The following NDUFA12 variants were observed in gnomAD, a reference collection of about 807,000 sequenced individuals.
NDUFA12 encodes the protein NADH dehydrogenase [ubiquinone] 1 alpha subcomplex subunit 12.
Under a neutral mutation model 20.3 loss-of-function variants are expected in NDUFA12, and 17 were observed. The observed-to-expected ratio is 0.84, with a 90% confidence interval of 0.57 to 1.26. The LOEUF is 1.26. NDUFA12 is among the 50% of genes most tolerant of loss of function. NDUFA12 has a pLI of 0.00. For synonymous variants in NDUFA12, 72 were observed against 63.6 expected (o/e 1.13, Z -0.63); for missense variants, 191 against 183.7 (o/e 1.04, Z -0.23).
intron 2 of NDUFA12, among the ~76,000 whole-genome samples, chr12:94,998,902 T>A (rs978257367): frequency 6.6e-6 from 1 of 152,160 alleles, no homozygotes; most frequent in Non-Finnish European, 1.5e-5. Flanking sequence ...AAAACGACTA[T>A]ATGGCCCAAA....
chr12:94,996,367 G>A (rs1448362681), intron 2 of NDUFA12, among the ~76,000 whole-genome samples: 1 of 129,962 alleles, frequency 7.7e-6, no homozygotes, highest in Non-Finnish European at 1.7e-5. Flanking sequence ...ACGAGATGGG[G>A]GTCTCTATGT....
intron 3 of NDUFA12, 32 bp from the exon 4 acceptor site, chr12:94,971,652 G>C (rs778242263): frequency 6.2e-7 from 1 of 1,612,430 alleles, no homozygotes; most frequent in African/African-American, 1.3e-5. Context: ...AAACAGTTAT[G>C]AAGAGGCAGT....
At chr12:94,988,305 G>T (rs529112249) in intron 3 of NDUFA12, among the ~76,000 whole-genome samples, 1 of 152,102 alleles carries the variant, frequency 6.6e-6, no homozygotes, top group South Asian at 2.1e-4. Flanking sequence ...TGGTCATATT[G>T]TGGTTATGTA....
intron 2 of NDUFA12, among the ~76,000 whole-genome samples, chr12:94,995,331 C>A (rs937233125): frequency 1.8e-4 from 27 of 152,166 alleles, no homozygotes; most frequent in African/African-American, 6.5e-4. Context: ...AAACTATAAT[C>A]CAGTGAGGCA....
intron 3 of NDUFA12, among the ~76,000 whole-genome samples, chr12:94,978,874 C>T (rs556701250): frequency 6.6e-6 from 1 of 151,872 alleles, no homozygotes; most frequent in South Asian, 2.1e-4. Context: ...ATACAAAAGC[C>T]CCACAGAAAC....
chr12:94,979,432 A>G (rs990440124), intron 3 of NDUFA12, among the ~76,000 whole-genome samples: 19 of 152,200 alleles, frequency 1.2e-4, no homozygotes, highest in Non-Finnish European at 2.8e-4. Flanking sequence ...AAATCTTTTA[A>G]TGGTGATTAT....
intron 3 of NDUFA12, among the ~76,000 whole-genome samples, chr12:94,985,024 T>TAAAAC (rs1874377125): frequency 6.6e-6 from 1 of 151,700 alleles, no homozygotes; most frequent in South Asian, 2.1e-4. Context: ...TAAAATAAAA[T>TAAAAC]AAAATAAAAG....
At position 94,977,883 on chromosome 12, in the gene NDUFA12, T is replaced by C. The variant is rs74758589; in HGVS notation, c.258-6263A>G. Among the ~76,000 whole-genome samples the C allele has an allele frequency of 9.2e-5, 14 of 152,076 alleles. No homozygotes were observed. The East Asian group carries it at 2.7e-3, about 29-fold the overall frequency. ...AAAAAACCAGAGCAGGGGAAGAGTA[T>C]GGAGTATGAGAGGGAACAGGGCTCT... On this transcript the variant is annotated intron_variant, in intron 3 of 3. Transcript: ENST00000327772.
At chr12:94,977,982 C>G (rs1164914585) in intron 3 of NDUFA12, among the ~76,000 whole-genome samples, 1 of 152,102 alleles carries the variant, frequency 6.6e-6, no homozygotes, top group African/African-American at 2.4e-5. Flanking sequence ...CATGCCAAAT[C>G]TGGGGAAACA....
chr12:94,977,749 A>G (rs1041898831), intron 3 of NDUFA12, among the ~76,000 whole-genome samples: 1 of 152,240 alleles, frequency 6.6e-6, no homozygotes, highest in African/African-American at 2.4e-5. Flanking sequence ...AATCTATTGC[A>G]GAAATACTAT....
rs140279427 is a variant in NDUFA12 at position 94,992,858 on chromosome 12, C to T, written c.257+1312G>A. On this transcript the variant is annotated intron_variant, in intron 3 of 3. Transcript: ENST00000327772. The stretch of plus-strand genomic sequence containing the variant: ...GACATCTAGGAGCAGAGACTAGCCA[C>T]CCTCGTTTTATCTTGTCTGAACTCC... Among the ~76,000 whole-genome samples the T allele has an allele frequency of 7.2e-3, 1,096 of 152,224 alleles. 9 individuals carry two copies. The highest frequency in any genetic ancestry group is 0.012 in the Non-Finnish European group (801 of 68,018).
chr12:94,976,082 T>A lies in NDUFA12; in HGVS notation c.258-4462A>T, dbSNP rs562641804. ...AATATTTTATGACTTGAGAAAATGT[T>A]CACCATATATGTTTTAAAAGCGGGT... On this transcript the variant is annotated intron_variant, in intron 3 of 3. Coordinates refer to ENST00000327772, the MANE Select transcript of NDUFA12 (RefSeq NM_018838.5). Among the ~76,000 whole-genome samples the A allele has an allele frequency of 6.6e-5, 10 of 152,288 alleles. No individual in the cohort carries two copies. In the South Asian group the frequency reaches 2.1e-3, roughly 32 times the overall value.
intron 3 of NDUFA12, among the ~76,000 whole-genome samples, chr12:94,981,540 A>C (rs560954425): frequency 6.6e-6 from 1 of 152,366 alleles, no homozygotes; most frequent in African/African-American, 2.4e-5. Context: ...AGAAGAAATT[A>C]ATATCTTGTT....
intron 3 of NDUFA12, among the ~76,000 whole-genome samples, chr12:94,981,782 T>C (rs1427944038): frequency 9.2e-5 from 14 of 152,212 alleles, no homozygotes; most frequent in Admixed American, 9.2e-4. Context: ...GTAAGCAGAC[T>C]GTGTTAGGTT....
intron 3 of NDUFA12, among the ~76,000 whole-genome samples, chr12:94,979,773 T>C (rs1874177976): frequency 6.6e-6 from 1 of 150,812 alleles, no homozygotes. Context: ...AGGTGGAGGA[T>C]GCAGTGAGCT....
chr12:94,985,268 T>C (rs1002401091), intron 3 of NDUFA12, among the ~76,000 whole-genome samples: 1 of 151,814 alleles, frequency 6.6e-6, no homozygotes, highest in Non-Finnish European at 1.5e-5. Context: ...AGGGCTGCAG[T>C]AAGCCATGGT....
intron 3 of NDUFA12, among the ~76,000 whole-genome samples, chr12:94,979,134 A>AG (rs1347991047): frequency 1.3e-5 from 2 of 151,854 alleles, no homozygotes; most frequent in East Asian, 3.9e-4. Context: ...AGGCTGAGGC[A>AG]GGGGGGATGC....
Position 95,003,672 on chromosome 12 carries a change from T to C in NDUFA12, c.9A>G (p.Leu3=). 1 of 1,614,042 alleles carries C rather than the reference T, an allele frequency of 6.2e-7. No individual in the cohort carries two copies. Among genetic ancestry groups the C allele is most frequent in the Non-Finnish European group, 8.5e-7 (1 of 1,180,036 alleles). The change falls in exon 1 of 4, where the codon TTA becomes TTG. Residue 3 remains leucine (L), a synonymous_variant. Coordinates refer to ENST00000327772, the MANE Select transcript of NDUFA12 (RefSeq NM_018838.5). ME[L]VQVLKRGLQQ... is the part of the protein sequence containing the mutation. ...GCAGCCCGCGTTTCAGGACCTGCAC[T>C]AACTCCATCTTGCCTCGCTGGCCCC...
intron 2 of NDUFA12, among the ~76,000 whole-genome samples, chr12:95,000,096 G>A (rs980341387): frequency 1.3e-5 from 2 of 152,144 alleles, no homozygotes; most frequent in East Asian, 3.8e-4. Context: ...CAGTGAACGA[G>A]TGGATAAAGA....
Sources: gnomAD v4.1 joint callset for allele counts (sites outside exome capture counted in the v4.1 genomes callset) on GRCh38, gnomAD v4.1.1 for gene constraint, MANE v1.5 for transcripts, NCBI Gene and HGNC (gene_info 2026-07-23, HGNC 2026-07-21) for gene names.